The following PAPPA2 variants were observed in gnomAD, a reference collection of about 807,000 sequenced individuals.
PAPPA2 encodes the protein pappalysin 2, also known as pappalysin-2.
In PAPPA2, 86 loss-of-function variants were observed where a neutral mutation model predicts 176.4. The ratio of observed to expected loss-of-function variants is 0.49; its 90% confidence interval spans 0.41 to 0.58. The LOEUF is 0.58. Among genes scored for constraint, PAPPA2 ranks in the 20% least tolerant of loss-of-function variants. The probability of loss-of-function intolerance (pLI) is 0.00; values close to 1 mark genes in which losing one functional copy is unlikely to be tolerated. For synonymous variants in PAPPA2, 809 were observed against 852.2 expected, an observed-to-expected ratio of 0.95 and a Z score of 0.88; for missense variants, 2,073 against 2,256.9, an observed-to-expected ratio of 0.92 and a Z score of 1.65.
intron 7 of PAPPA2, 101 bp downstream of exon 7, chr1:176,695,960 A>ATGTG (rs1374236007): frequency 1.7e-6 from 2 of 1,184,610 alleles, no homozygotes; most frequent in Admixed American, 1.9e-5. Context: ...AAGGCAATGT[A>ATGTG]TGTGTATGTG....
At chr1:176,761,280 A>G (rs1663688438) in intron 14 of PAPPA2, among the ~76,000 whole-genome samples, 1 of 152,030 alleles carries the variant, frequency 6.6e-6, no homozygotes, top group African/African-American at 2.4e-5. Flanking sequence ...GTTGACTTAA[A>G]CCTCCCTTGT....
chr1:176,757,325 A>C (rs1412427056), intron 14 of PAPPA2, among the ~76,000 whole-genome samples: 4 of 152,204 alleles, frequency 2.6e-5, no homozygotes, highest in African/African-American at 9.6e-5. Context: ...TCCTACCAAC[A>C]GTGTAAAAGC....
chr1:176,770,762 A>G (rs1318015246), intron 16 of PAPPA2, among the ~76,000 whole-genome samples: 1 of 152,164 alleles, frequency 6.6e-6, no homozygotes, highest in Non-Finnish European at 1.5e-5. Context: ...CCTCTGTTTT[A>G]TGTAAGAGCA....
intron 1 of PAPPA2, among the ~76,000 whole-genome samples, chr1:176,540,290 A>G (rs984797457): frequency 6.6e-6 from 1 of 152,252 alleles, no homozygotes; most frequent in Non-Finnish European, 1.5e-5. Context: ...GGCTACCTAC[A>G]TAAGCTGTTC....
At chr1:176,794,398 T>C (rs921561751) in intron 20 of PAPPA2, among the ~76,000 whole-genome samples, 4 of 152,210 alleles carry the variant, frequency 2.6e-5, no homozygotes, top group African/African-American at 9.7e-5. Flanking sequence ...TTCTAGCACA[T>C]AGTTCTTAAT....
chr1:176,793,625 A>T lies in PAPPA2; in HGVS notation c.5086A>T (p.Thr1696Ser). The T allele has an allele frequency of 6.2e-7, 1 of 1,613,096 alleles. No homozygotes were observed. Among genetic ancestry groups the T allele is most frequent in the Non-Finnish European group, 8.5e-7 (1 of 1,179,312 alleles). The change falls in exon 20 of 23, where the codon ACT (threonine) becomes TCT (serine). Residue 1696 changes from threonine to serine, a missense_variant. Around this residue, in one of 4 missense-constraint regions of PAPPA2, gnomAD observed 846 missense variants for 857.9 expected, o/e 0.99. Coordinates refer to ENST00000367662, the MANE Select transcript of PAPPA2 (RefSeq NM_020318.3). ...CCCCGTGATGCTACCTGAGAATATCACTGCTGACACTCTGGAGCACTGGAT... is the reference window on the plus strand; with the variant it reads ...CCCCGTGATGCTACCTGAGAATATCTCTGCTGACACTCTGGAGCACTGGAT... ...SDPVMLPENI[T>S]ADTLEHWMEP...
chr1:176,709,325 A>G (rs1446379896), intron 10 of PAPPA2, among the ~76,000 whole-genome samples: 53 of 152,120 alleles, frequency 3.5e-4, no homozygotes, highest in Admixed American at 3.4e-3. Context: ...GGTCCTCTAC[A>G]AAGTCACATA....
intron 21 of PAPPA2, among the ~76,000 whole-genome samples, chr1:176,802,939 C>G (rs1013918855): frequency 6.6e-6 from 1 of 152,184 alleles, no homozygotes; most frequent in African/African-American, 2.4e-5. Context: ...TATGTTAGGT[C>G]ATAAGCCAGT....
At chr1:176,506,427 G>A (rs745583516) in intron 1 of PAPPA2, among the ~76,000 whole-genome samples, 5 of 151,758 alleles carry the variant, frequency 3.3e-5, no homozygotes, top group Non-Finnish European at 5.9e-5. Flanking sequence ...CACTAAATCC[G>A]TAAATTGCTA....
At chr1:176,647,833 T>G (rs1313936878) in intron 3 of PAPPA2, among the ~76,000 whole-genome samples, 2 of 151,710 alleles carry the variant, frequency 1.3e-5, no homozygotes, top group Non-Finnish European at 3.0e-5. Context: ...CATGCCATTT[T>G]GGCTGCTATA....
chr1:176,796,692 C>A (rs993077974), intron 20 of PAPPA2, among the ~76,000 whole-genome samples: 9 of 124,454 alleles, frequency 7.2e-5, no homozygotes, highest in African/African-American at 2.7e-4. Context: ...TTTTTCTTTT[C>A]TTTCTCTCTT....
intron 3 of PAPPA2, 73 bp from the exon 4 acceptor site, chr1:176,670,897 T>A: frequency 1.3e-6 from 2 of 1,574,642 alleles, no homozygotes; most frequent in Non-Finnish European, 1.7e-6. Flanking sequence ...TAGAATCTGA[T>A]TAGGTCTGGC....
At chr1:176,595,670 G>A in intron 3 of PAPPA2, 75 bp downstream of exon 3, 2 of 1,412,310 alleles carry the variant, frequency 1.4e-6, no homozygotes, top group Admixed American at 4.3e-5. Flanking sequence ...TGGTTTTGGA[G>A]GCAAATGTGT....
At chr1:176,577,580 CT>C (rs1401598163) in intron 2 of PAPPA2, among the ~76,000 whole-genome samples, 1 of 152,118 alleles carries the variant, frequency 6.6e-6, no homozygotes, top group Non-Finnish European at 1.5e-5. Context: ...CCTCCCCAAG[CT>C]TCTTTTTTCA....
intron 1 of PAPPA2, among the ~76,000 whole-genome samples, chr1:176,493,561 A>G (rs1229859886): frequency 3.3e-5 from 5 of 152,202 alleles, no homozygotes; most frequent in Admixed American, 3.3e-4. Flanking sequence ...GAGCAAAACC[A>G]ATAGCATGAG....
At chr1:176,717,548 C>G (rs1275231670) in intron 12 of PAPPA2, among the ~76,000 whole-genome samples, 1 of 152,218 alleles carries the variant, frequency 6.6e-6, no homozygotes, top group Non-Finnish European at 1.5e-5. Context: ...ATGAGAGTAG[C>G]GGTACCTCTG....
intron 12 of PAPPA2, among the ~76,000 whole-genome samples, chr1:176,738,602 T>A (rs1298043795): frequency 6.6e-6 from 1 of 152,164 alleles, no homozygotes; most frequent in Non-Finnish European, 1.5e-5. Context: ...GCTATAGAAA[T>A]GCACGTAGAA....
At chr1:176,795,605 G>T (rs1044631150) in intron 20 of PAPPA2, among the ~76,000 whole-genome samples, 16 of 152,182 alleles carry the variant, frequency 1.1e-4, no homozygotes, top group African/African-American at 3.6e-4. Flanking sequence ...TTGTTTGCAT[G>T]TAAATGAGTT....
chr1:176,815,784 C>T (rs1043567502), intron 21 of PAPPA2, among the ~76,000 whole-genome samples: 6 of 152,088 alleles, frequency 3.9e-5, no homozygotes, highest in African/African-American at 1.4e-4. Context: ...GCCTCCAGAT[C>T]ATAAGTAGAC....
Sources: gnomAD v4.1 joint callset for allele counts (sites outside exome capture counted in the v4.1 genomes callset) on GRCh38, gnomAD v4.1.1 for gene constraint, gnomAD v4.1.1 regional missense constraint, MANE v1.5 for transcripts, NCBI Gene and HGNC (gene_info 2026-07-23, HGNC 2026-07-21) for gene names.